The following ONECUT2 variants were observed in gnomAD, a reference collection of about 807,000 sequenced individuals.
ONECUT2 encodes one cut homeobox 2.
Under a neutral mutation model 27.9 loss-of-function variants are expected in ONECUT2, and 10 were observed. The observed-to-expected ratio is 0.36, with a 90% confidence interval of 0.22 to 0.61. The LOEUF (loss-of-function observed/expected upper bound fraction) is 0.61, where lower values mean the gene tolerates loss of function less well. Ranked by LOEUF, ONECUT2 falls within the 20% of genes least tolerant of loss-of-function variation. The pLI, the probability that ONECUT2 is intolerant of heterozygous loss-of-function variation, is 0.73. For synonymous variants in ONECUT2, 334 were observed against 315.1 expected (o/e 1.06, Z -0.64); for missense variants, 686 against 721.0 (o/e 0.95, Z 0.56).
At chr18:57,445,952 G>C (rs993875655) in intron 1 of ONECUT2, among the ~76,000 whole-genome samples, 1 of 152,238 alleles carries the variant, frequency 6.6e-6, no homozygotes, top group Non-Finnish European at 1.5e-5. Context: ...GAAGGCTTAG[G>C]CCTCAGAATA....
At chr18:57,471,011 C>A (rs1008760948) in intron 1 of ONECUT2, among the ~76,000 whole-genome samples, 1 of 152,216 alleles carries the variant, frequency 6.6e-6, no homozygotes, top group Non-Finnish European at 1.5e-5. Context: ...CTGTTACTGA[C>A]CACGCAGTCG....
chr18:57,452,976 T>C (rs1461467328), intron 1 of ONECUT2, among the ~76,000 whole-genome samples: 1 of 152,236 alleles, frequency 6.6e-6, no homozygotes, highest in Non-Finnish European at 1.5e-5. Flanking sequence ...TTTATAACTT[T>C]AACAATGTCT....
intron 1 of ONECUT2, among the ~76,000 whole-genome samples, chr18:57,453,166 C>G (rs1215773751): frequency 6.6e-6 from 1 of 152,142 alleles, no homozygotes; most frequent in East Asian, 1.9e-4. Flanking sequence ...CCTGCCTGTC[C>G]CCTAATGATC....
At chr18:57,451,855 C>T (rs1472279915) in intron 1 of ONECUT2, among the ~76,000 whole-genome samples, 1 of 152,196 alleles carries the variant, frequency 6.6e-6, no homozygotes, top group Non-Finnish European at 1.5e-5. Flanking sequence ...AAGCAAGTCA[C>T]CTGCCTGAGC....
intron 1 of ONECUT2, among the ~76,000 whole-genome samples, chr18:57,471,834 C>T (rs75733641): frequency 8.0e-4 from 121 of 152,132 alleles, no homozygotes; most frequent in Non-Finnish European, 5.9e-5. Flanking sequence ...TGGAAGCGAG[C>T]GCTTGGCCTT....
rs1312024769 is a variant in ONECUT2, at chr18:57,479,142, C to G, written c.*2419C>G. 3.9e-5 allele frequency: 6 copies of G among 152,336 alleles called. No individual in the cohort carries two copies. The highest frequency in any genetic ancestry group is 3.9e-4 in the Admixed American group (6 of 15,248). The allele number at this position is 152,336 out of a possible 1,614,324, so 9.4% of individuals were successfully genotyped here. On this transcript the variant is annotated 3_prime_UTR_variant, in exon 2 of 2. Transcript: ENST00000491143. ...GGGAGTGAGGGTCAGGGATAGGGGT[C>G]TTGGTGATGCATCCTCTCCCGAGCC...
At chr18:57,450,018 T>G (rs1310380560) in intron 1 of ONECUT2, among the ~76,000 whole-genome samples, 2 of 152,314 alleles carry the variant, frequency 1.3e-5, no homozygotes, top group African/African-American at 2.4e-5. Flanking sequence ...GGTCCATGGC[T>G]GAACCCACAC....
At chr18:57,473,002 G>T (rs1159464140) in intron 1 of ONECUT2, among the ~76,000 whole-genome samples, 1 of 152,226 alleles carries the variant, frequency 6.6e-6, no homozygotes, top group Non-Finnish European at 1.5e-5. Flanking sequence ...GACACCAGTT[G>T]TCCCAGGGGT....
At chr18:57,465,904 G>A (rs2050318563) in intron 1 of ONECUT2, among the ~76,000 whole-genome samples, 1 of 152,108 alleles carries the variant, frequency 6.6e-6, no homozygotes, top group Non-Finnish European at 1.5e-5. Flanking sequence ...GAACTGATGT[G>A]CACTCATCTC....
chr18:57,460,856 T>C (rs2050287252), intron 1 of ONECUT2, among the ~76,000 whole-genome samples: 1 of 151,886 alleles, frequency 6.6e-6, no homozygotes, highest in African/African-American at 2.4e-5. Flanking sequence ...ACCTGGCTAA[T>C]TTTTTTGTAT....
intron 1 of ONECUT2, among the ~76,000 whole-genome samples, chr18:57,473,634 A>G (rs2050366081): frequency 1.3e-5 from 2 of 152,210 alleles, no homozygotes; most frequent in African/African-American, 4.8e-5. Context: ...CATGTGGACC[A>G]GCAGCATCAG....
At chr18:57,452,934 A>G (rs1467205710) in intron 1 of ONECUT2, among the ~76,000 whole-genome samples, 1 of 152,254 alleles carries the variant, frequency 6.6e-6, no homozygotes, top group East Asian at 1.9e-4. Context: ...GCAAGTTGGA[A>G]GGGATATCAA....
At chr18:57,473,813 C>T (rs2050367329) in intron 1 of ONECUT2, among the ~76,000 whole-genome samples, 1 of 152,196 alleles carries the variant, frequency 6.6e-6, no homozygotes, top group African/African-American at 2.4e-5. Context: ...GACCTCAAAA[C>T]AAGGTTCCCC....
intron 1 of ONECUT2, among the ~76,000 whole-genome samples, chr18:57,440,671 C>T (rs1300498000): frequency 6.6e-6 from 1 of 152,226 alleles, no homozygotes; most frequent in African/African-American, 2.4e-5. Flanking sequence ...TGCGCAGTGG[C>T]TCCTGCTAGG....
Position 57,479,242 on chromosome 18 carries a change from T to G in ONECUT2, c.*2519T>G, listed in dbSNP as rs1485324128. 2 of 152,496 alleles carry G rather than the reference T, an allele frequency of 1.3e-5. No homozygotes were observed. Among genetic ancestry groups the G allele is most frequent in the Non-Finnish European group, 1.5e-5 (1 of 67,984 alleles). The allele number at this position is 152,496 out of a possible 1,614,324, so 9.4% of individuals were successfully genotyped here. ...TTGCTACATCCTAACAGGGCTTCAT[T>G]TGGGGGTGGGGGGAAACATGTAAAA... On this transcript the variant is annotated 3_prime_UTR_variant, in exon 2 of 2. Transcript: ENST00000491143.
intron 1 of ONECUT2, among the ~76,000 whole-genome samples, chr18:57,475,404 G>A (rs1317357677): frequency 1.3e-5 from 2 of 152,114 alleles, no homozygotes; most frequent in Non-Finnish European, 2.9e-5. Flanking sequence ...ATTATGATTT[G>A]TAATACTGTA....
At chr18:57,468,153 A>G (rs1456693407) in intron 1 of ONECUT2, among the ~76,000 whole-genome samples, 4 of 152,186 alleles carry the variant, frequency 2.6e-5, no homozygotes, top group Non-Finnish European at 4.4e-5. Context: ...CTCCACATCC[A>G]TTTGCACAGT....
rs951627285 is a variant in ONECUT2, at chr18:57,481,559, T to C, written c.*4836T>C. On this transcript the variant is annotated 3_prime_UTR_variant, in exon 2 of 2. Coordinates refer to ENST00000491143, the MANE Select transcript of ONECUT2 (RefSeq NM_004852.3). ...CCTACTAGTGCCAGTAAATTCAAGTTGAACAGATTTTTAAAATCACTATTA... is the reference window on the plus strand; with the variant it reads ...CCTACTAGTGCCAGTAAATTCAAGTCGAACAGATTTTTAAAATCACTATTA... 3.9e-5 allele frequency: 6 copies of C among 152,206 alleles called. No individual in the cohort carries two copies. The highest frequency in any genetic ancestry group is 1.4e-4 in the African/African-American group (6 of 41,448). 9.4% of individuals were successfully genotyped at this position (152,206 alleles called of 1,614,324 possible).
rs1300145962 is a variant in ONECUT2 at position 57,476,844 on chromosome 18, C to T, written c.*121C>T. 2 of 1,115,536 alleles carry T rather than the reference C, an allele frequency of 1.8e-6. No individual in the cohort carries two copies. Among genetic ancestry groups the T allele is most frequent in the Non-Finnish European group, 2.5e-6 (2 of 797,242 alleles). 69.1% of individuals were successfully genotyped at this position (1,115,536 alleles called of 1,614,324 possible). A position where few individuals can be genotyped will look rare whatever the true frequency, so the allele number is the denominator to read the frequency against. On this transcript the variant is annotated 3_prime_UTR_variant, in exon 2 of 2. Transcript: ENST00000491143. Reference sequence around the variant, plus strand: ...GCCCTTCACTGGTGATTTGAAAGCACAATTCTCTTGCAAAGAAACTTATAT... The same window carrying T: ...GCCCTTCACTGGTGATTTGAAAGCATAATTCTCTTGCAAAGAAACTTATAT...
Sources: allele counts gnomAD v4.1 joint callset (sites outside exome capture counted in the v4.1 genomes callset), GRCh38; gene constraint gnomAD v4.1.1; transcripts MANE v1.5; gene names NCBI Gene and HGNC (gene_info 2026-07-23, HGNC 2026-07-21).